ARMC3: variants seen among roughly 807,000 people sequenced by gnomAD.
ARMC3 encodes the protein armadillo repeat containing 3.
ARMC3 carries 74 observed loss-of-function variants against 90.3 expected under a neutral mutation model. The observed-to-expected ratio is 0.82, with a 90% CI of 0.68 to 0.99. ARMC3 has a LOEUF of 0.99. Among genes scored for constraint, ARMC3 ranks in the 50% least tolerant of loss-of-function variants. The pLI is 0.00. For missense variants in ARMC3, 958 were observed against 1,042.8 expected (o/e 0.92, Z 1.12); for synonymous variants, 334 against 361.8 (o/e 0.92, Z 0.87).
Position 22,965,792 on chromosome 10 carries a change from C to T in ARMC3, c.733-2514C>T, listed in dbSNP as rs1835415258. 2.0e-5 allele frequency among the ~76,000 whole-genome samples: 3 copies of T among 152,110 alleles called. No individual in the cohort carries two copies. In the South Asian group the frequency reaches 6.2e-4, roughly 32 times the overall value. ...TGGCATCTCTAATCTGCCGTTTGGT[C>T]CACCTAGTAAATTTTTCTTTCTAGT... On this transcript the variant is annotated intron_variant, in intron 7 of 18. Coordinates refer to ENST00000298032, the MANE Select transcript of ARMC3 (RefSeq NM_173081.5).
intron 5 of ARMC3, 93 bp downstream of exon 5, chr10:22,959,231 A>T (rs1272554345): frequency 2.0e-5 from 27 of 1,382,960 alleles, no homozygotes; most frequent in Non-Finnish European, 2.7e-5. Context: ...GAAATATTGT[A>T]AAGTGTTATT....
At chr10:23,024,756 G>C (rs371147443) in intron 16 of ARMC3, among the ~76,000 whole-genome samples, 4 of 152,208 alleles carry the variant, frequency 2.6e-5, no homozygotes, top group South Asian at 4.2e-4. Flanking sequence ...ACACAAGAAG[G>C]CAAGAAAAGA....
At position 23,008,194 on chromosome 10, in the gene ARMC3, A is replaced by C. The variant is rs956886923; in HGVS notation, c.1830-82A>C. On this transcript the variant is annotated intron_variant, in intron 14 of 18. Transcript: ENST00000298032. ...GTCAGCTTCAGTTATGACTTTCAGA[A>C]AAAAATCTGTTTCGTGGAATAAAAC... 5 of 711,842 alleles carry C rather than the reference A, an allele frequency of 7.0e-6. No homozygotes were observed. The African/African-American group carries it at 9.2e-5, about 13-fold the overall frequency. The allele number at this position is 711,842 out of a possible 1,614,324, so 44.1% of individuals were successfully genotyped here.
chr10:22,930,944 T>A (rs866242691), intron 1 of ARMC3, among the ~76,000 whole-genome samples: 2 of 152,178 alleles, frequency 1.3e-5, no homozygotes, highest in African/African-American at 4.8e-5. Context: ...TCTTTTTTTT[T>A]TTTGAGACAG....
chr10:22,976,440 G>T (rs1835925793), intron 8 of ARMC3, among the ~76,000 whole-genome samples: 1 of 152,102 alleles, frequency 6.6e-6, no homozygotes, highest in Non-Finnish European at 1.5e-5. Flanking sequence ...CGTGACCTCT[G>T]GGTGGGAATC....
chr10:23,029,144 G>T (rs565079463), intron 16 of ARMC3, among the ~76,000 whole-genome samples: 1 of 152,250 alleles, frequency 6.6e-6, no homozygotes, highest in African/African-American at 2.4e-5. Context: ...AAATTAGAAA[G>T]AACAAAAATT....
At position 22,994,606 on chromosome 10, in the gene ARMC3, C is replaced by T. The variant is rs1452165068; in HGVS notation, c.1176-3542C>T. The stretch of plus-strand genomic sequence containing the variant: ...AACTTTATCCTAAGCAATGGGAAAC[C>T]GTGAAAGTTTTAAGTAGGGGAGCAA... On this transcript the variant is annotated intron_variant, in intron 10 of 18. Coordinates refer to ENST00000298032, the MANE Select transcript of ARMC3 (RefSeq NM_173081.5). Among the ~76,000 whole-genome samples, 6 of 151,784 alleles carry T rather than the reference C, an allele frequency of 4.0e-5. No homozygotes were observed. In the South Asian group the frequency reaches 6.3e-4, roughly 16 times the overall value.
At chr10:22,934,402 G>A (rs146593971) in intron 2 of ARMC3, among the ~76,000 whole-genome samples, 2 of 152,244 alleles carry the variant, frequency 1.3e-5, no homozygotes, top group East Asian at 1.9e-4. Flanking sequence ...GAAAAGACAC[G>A]GCTTGATCTA....
At position 23,037,700 on chromosome 10, in the gene ARMC3, C is replaced by T; in HGVS notation, c.*221C>T. The T allele has an allele frequency of 2.2e-6, 1 of 461,146 alleles. No homozygotes were observed. Among genetic ancestry groups the T allele is most frequent in the South Asian group, 4.0e-5 (1 of 24,810 alleles). 28.6% of individuals were successfully genotyped at this position (461,146 alleles called of 1,614,324 possible). ...CTGTCTTATTAGGTCATTTTCCGCTCACTGACCCTCACATAAAGCTGATTG... is the reference window on the plus strand; with the variant it reads ...CTGTCTTATTAGGTCATTTTCCGCTTACTGACCCTCACATAAAGCTGATTG... On this transcript the variant is annotated 3_prime_UTR_variant, in exon 19 of 19. Coordinates refer to ENST00000298032, the MANE Select transcript of ARMC3 (RefSeq NM_173081.5).
At chr10:22,957,113 A>G (rs1834973725) in intron 4 of ARMC3, among the ~76,000 whole-genome samples, 1 of 152,176 alleles carries the variant, frequency 6.6e-6, no homozygotes. Flanking sequence ...GGCTAAAATC[A>G]TTATACTTTC....
At chr10:22,941,817 G>A (rs1046077770) in intron 2 of ARMC3, among the ~76,000 whole-genome samples, 8 of 152,164 alleles carry the variant, frequency 5.3e-5, no homozygotes, top group Admixed American at 1.3e-4. Flanking sequence ...TAGTAGAAAT[G>A]TTTGAAATAA....
intron 8 of ARMC3, among the ~76,000 whole-genome samples, chr10:22,978,167 A>C (rs1027056191): frequency 2.0e-5 from 3 of 152,158 alleles, no homozygotes; most frequent in African/African-American, 7.2e-5. Flanking sequence ...TTCAGGTCCT[A>C]CCTGTATTTC....
chr10:22,999,545 C>G (rs778540552), intron 11 of ARMC3, among the ~76,000 whole-genome samples: 10 of 152,192 alleles, frequency 6.6e-5, no homozygotes, highest in Non-Finnish European at 1.2e-4. Flanking sequence ...ATAACAAAAC[C>G]AACGTTTATT....
At chr10:22,987,432 C>T (rs1836501128) in intron 10 of ARMC3, among the ~76,000 whole-genome samples, 2 of 152,254 alleles carry the variant, frequency 1.3e-5, no homozygotes, top group East Asian at 3.9e-4. Context: ...TTTGGCAATG[C>T]TAACTAAATT....
chr10:22,960,014 G>T (rs1447423873), intron 6 of ARMC3: 3 of 352,516 alleles, frequency 8.5e-6, no homozygotes, highest in Non-Finnish European at 1.6e-5. Context: ...TTTTGAGTAT[G>T]CAGGACAGAA....
intron 13 of ARMC3, among the ~76,000 whole-genome samples, chr10:23,005,077 G>T (rs10828394): frequency 0.52 from 78,726 of 151,386 alleles, 21,689 homozygotes; most frequent in Non-Finnish European, 0.6. Context: ...GCCGGGCGTG[G>T]TGGCGGGTGC....
chr10:23,002,251 C>G (rs566977274), intron 12 of ARMC3, among the ~76,000 whole-genome samples, 196 bp downstream of exon 12: 2 of 152,372 alleles, frequency 1.3e-5, no homozygotes, highest in East Asian at 3.9e-4. Flanking sequence ...ACCGCTCCCT[C>G]ACTGCCCTTG....
intron 11 of ARMC3, among the ~76,000 whole-genome samples, chr10:23,000,679 G>C (rs1009385849): frequency 2.6e-5 from 4 of 152,208 alleles, no homozygotes; most frequent in Non-Finnish European, 4.4e-5. Context: ...TGCTTGCTAA[G>C]CATAAGGATG....
intron 8 of ARMC3, among the ~76,000 whole-genome samples, chr10:22,971,051 C>G (rs1269618020): frequency 6.6e-6 from 1 of 152,190 alleles, no homozygotes; most frequent in African/African-American, 2.4e-5. Context: ...ATTCCCACTC[C>G]TTCCTCATAC....
Sources: allele counts gnomAD v4.1 joint callset (sites outside exome capture counted in the v4.1 genomes callset), GRCh38; gene constraint gnomAD v4.1.1; transcripts MANE v1.5; gene names NCBI Gene and HGNC (gene_info 2026-07-23, HGNC 2026-07-21).